The following PTPRK variants were observed in gnomAD, a reference collection of about 807,000 sequenced individuals.
PTPRK encodes the protein protein tyrosine phosphatase receptor type K, also known as receptor-type tyrosine-protein phosphatase kappa.
Under a neutral mutation model 178.0 loss-of-function variants are expected in PTPRK, and 75 were observed. The ratio of observed to expected loss-of-function variants is 0.42; its 90% CI spans 0.35 to 0.51. PTPRK has a LOEUF of 0.51. Ranked by LOEUF, PTPRK falls within the 20% of genes least tolerant of loss-of-function variation. The pLI is 0.02. For missense variants in PTPRK, 1,441 were observed against 1,797.8 expected, an observed-to-expected ratio of 0.80 and a Z score of 3.59; for synonymous variants, 637 against 620.6, an observed-to-expected ratio of 1.03 and a Z score of -0.39.
intron 13 of PTPRK, among the ~76,000 whole-genome samples, chr6:128,016,344 C>A (rs1779590880): frequency 6.6e-6 from 1 of 151,814 alleles, no homozygotes; most frequent in Non-Finnish European, 1.5e-5. Flanking sequence ...TAGTAAACTG[C>A]AGAAAACTTA....
intron 5 of PTPRK, among the ~76,000 whole-genome samples, chr6:128,239,220 C>T (rs540130733): frequency 4.7e-5 from 7 of 150,254 alleles, no homozygotes; most frequent in Admixed American, 4.6e-4. Flanking sequence ...TGCAGAGAAC[C>T]TAAAAAATAA....
Position 128,001,546 on chromosome 6 carries a change from G to T in PTPRK, c.2495-2642C>A, listed in dbSNP as rs192329413. On this transcript the variant is annotated intron_variant, in intron 15 of 29. Transcript: ENST00000368226. ...TAACTAGACTTTATGACTCTATTGT[G>T]TTAAATCTAGCTTTCCTTAAACATG... Among the ~76,000 whole-genome samples the T allele has an allele frequency of 2.4e-3, 366 of 152,016 alleles. 3 individuals are homozygous for T. The highest frequency in any genetic ancestry group is 8.3e-3 in the African/African-American group (346 of 41,528).
chr6:128,079,229 G>A (rs1008903854), intron 10 of PTPRK, among the ~76,000 whole-genome samples: 43 of 152,012 alleles, frequency 2.8e-4, no homozygotes, highest in African/African-American at 9.9e-4. Context: ...AATGATGGGA[G>A]GGAGGGAAGG....
chr6:128,040,608 T>C (rs1027929693), intron 13 of PTPRK, among the ~76,000 whole-genome samples: 1 of 152,036 alleles, frequency 6.6e-6, no homozygotes, highest in Non-Finnish European at 1.5e-5. Context: ...TGAACATCTC[T>C]CAGAAAGAGT....
intron 13 of PTPRK, among the ~76,000 whole-genome samples, chr6:128,041,783 G>C (rs1341914927): frequency 6.6e-6 from 1 of 151,350 alleles, no homozygotes; most frequent in African/African-American, 2.4e-5. Flanking sequence ...TGTATGTGTA[G>C]ATATACAGTT....
At position 128,373,227 on chromosome 6, in the gene PTPRK, T is replaced by A. The variant is rs181706787; in HGVS notation, c.223+24339A>T. 1.4e-3 allele frequency among the ~76,000 whole-genome samples: 210 copies of A among 152,330 alleles called. 1 individual carries two copies. Among genetic ancestry groups the A allele is most frequent in the African/African-American group, 4.7e-3 (195 of 41,588 alleles). On this transcript the variant is annotated intron_variant, in intron 2 of 29. Coordinates refer to ENST00000368226, the MANE Select transcript of PTPRK (RefSeq NM_002844.4). ...GCAAGGCTTAGTCCTTGGACTTGAC[T>A]CTTTGCAAAGCTGCGTTAGTTCACA...
At chr6:128,105,631 G>C (rs1051092830) in intron 7 of PTPRK, among the ~76,000 whole-genome samples, 7 of 152,192 alleles carry the variant, frequency 4.6e-5, no homozygotes, top group Non-Finnish European at 8.8e-5. Context: ...AGGAAGAACA[G>C]ATCTTTGGTG....
chr6:128,105,092 G>A (rs1179807528), intron 7 of PTPRK, among the ~76,000 whole-genome samples: 1 of 148,734 alleles, frequency 6.7e-6, no homozygotes, highest in African/African-American at 2.5e-5. Context: ...TAGAGAGCAA[G>A]TTTCTCTAGG....
chr6:128,213,443 T>C lies in PTPRK; in HGVS notation c.868+5479A>G, dbSNP rs148698942. Among the ~76,000 whole-genome samples the C allele has an allele frequency of 3.0e-3, 452 of 152,210 alleles. 2 individuals are homozygous for C. Among genetic ancestry groups the C allele is most frequent in the Non-Finnish European group, 4.9e-3 (332 of 67,952 alleles). On this transcript the variant is annotated intron_variant, in intron 6 of 29. Coordinates refer to ENST00000368226, the MANE Select transcript of PTPRK (RefSeq NM_002844.4). ...GGTTTTGGGGGGTAAAATTAGTATG[T>C]GATTCAGTGTGTTCTGAAATGTTCA...
At chr6:128,200,902 AGGGAG>A (rs1213949645) in intron 6 of PTPRK, among the ~76,000 whole-genome samples, 2,129 of 34,518 alleles carry the variant, frequency 0.062, 70 homozygotes, top group African/African-American at 0.16. Flanking sequence ...GGAGGGAGGG[AGGGAG>A]GGAGGGAGGG....
At chr6:128,173,771 T>C (rs1382699883) in intron 7 of PTPRK, among the ~76,000 whole-genome samples, 1 of 151,954 alleles carries the variant, frequency 6.6e-6, no homozygotes, top group East Asian at 1.9e-4. Flanking sequence ...TCTCCTCTGC[T>C]TCGGTTCAAG....
At chr6:128,216,678 G>A (rs995692603) in intron 6 of PTPRK, among the ~76,000 whole-genome samples, 1 of 151,904 alleles carries the variant, frequency 6.6e-6, no homozygotes, top group African/African-American at 2.4e-5. Flanking sequence ...TCCAGGTAAG[G>A]AAAACCAGGC....
intron 13 of PTPRK, among the ~76,000 whole-genome samples, chr6:128,049,566 CCT>C (rs1778649288): frequency 6.6e-6 from 1 of 151,656 alleles, no homozygotes; most frequent in South Asian, 2.1e-4. Context: ...AATTGAAATG[CCT>C]CTTTTGTTAG....
chr6:128,480,637 T>G (rs1851959061), intron 1 of PTPRK, among the ~76,000 whole-genome samples: 2 of 152,170 alleles, frequency 1.3e-5, no homozygotes, highest in South Asian at 4.1e-4. Flanking sequence ...GTAAGGCATC[T>G]TACAGAGCAG....
chr6:128,424,025 G>C (rs917238496), intron 1 of PTPRK, among the ~76,000 whole-genome samples: 1 of 150,298 alleles, frequency 6.7e-6, no homozygotes, highest in African/African-American at 2.5e-5. Flanking sequence ...GTCAAGATCA[G>C]CCTGGTCAGC....
chr6:128,067,669 G>A lies in PTPRK; in HGVS notation c.2007C>T (p.Tyr669=). Residue 669 remains tyrosine, a synonymous_variant, in exon 12 of 30, where the codon TAC becomes TAT. Transcript: ENST00000368226. The part of the protein sequence containing the change: ...QNAMSGGAPY[Y]FAAELPPGNL... ...TTCCCGGGGGGAGTTCTGCAGCAAA[G>A]TAATACGGTGCACCCCCACTCATGG... is the stretch of plus-strand genomic sequence containing the variant. 1.2e-6 allele frequency: 2 copies of A among 1,613,824 alleles called. No homozygotes were observed. Among genetic ancestry groups the A allele is most frequent in the East Asian group, 2.2e-5 (1 of 44,844 alleles).
intron 3 of PTPRK, among the ~76,000 whole-genome samples, chr6:128,300,801 G>A (rs112116138): frequency 3.3e-5 from 5 of 152,018 alleles, no homozygotes; most frequent in African/African-American, 9.6e-5. Flanking sequence ...CATGGCACAT[G>A]TATACATATG....
At chr6:128,059,167 T>C (rs1356093471) in intron 13 of PTPRK, among the ~76,000 whole-genome samples, 1 of 152,126 alleles carries the variant, frequency 6.6e-6, no homozygotes, top group East Asian at 1.9e-4. Context: ...TAGAATCAGA[T>C]TGTTAATTTT....
chr6:128,476,770 C>A (rs1851424719), intron 1 of PTPRK, among the ~76,000 whole-genome samples: 1 of 151,784 alleles, frequency 6.6e-6, no homozygotes, highest in African/African-American at 2.4e-5. Context: ...TCAGGTTTAG[C>A]ACATATTTAA....
Sources: gnomAD v4.1 joint callset for allele counts (sites outside exome capture counted in the v4.1 genomes callset) on GRCh38, gnomAD v4.1.1 for gene constraint, MANE v1.5 for transcripts, NCBI Gene and HGNC (gene_info 2026-07-23, HGNC 2026-07-21) for gene names.